ABCA8: variants seen among roughly 807,000 people sequenced by gnomAD.
ABCA8 encodes the protein ABC-type organic anion transporter ABCA8.
Under a neutral mutation model 192.3 loss-of-function variants are expected in ABCA8, and 177 were observed. That is an observed-to-expected ratio of 0.92 (90% CI 0.81 to 1.04). ABCA8 has a LOEUF of 1.04. ABCA8 is among the 50% of genes least tolerant of loss of function. ABCA8 has a pLI of 0.00. For missense variants in ABCA8, 1,915 were observed against 1,904.8 expected, an observed-to-expected ratio of 1.01 and a Z score of -0.10; for synonymous variants, 642 against 690.2, an observed-to-expected ratio of 0.93 and a Z score of 1.09.
At chr17:68,948,151 G>A (rs777963705) in intron 2 of ABCA8, among the ~76,000 whole-genome samples, 2 of 152,122 alleles carry the variant, frequency 1.3e-5, no homozygotes, top group African/African-American at 4.8e-5. Context: ...AACATTGTTG[G>A]GCATTTGGGT....
chr17:68,918,959 C>T (rs985603411), intron 14 of ABCA8, among the ~76,000 whole-genome samples: 1 of 117,410 alleles, frequency 8.5e-6, no homozygotes, highest in Non-Finnish European at 1.7e-5. Context: ...AAAAAAAGAA[C>T]AAACACTGGA....
intron 32 of ABCA8, chr17:68,878,030 G>C (rs2066251950): frequency 1.1e-5 from 2 of 188,486 alleles, no homozygotes; most frequent in Admixed American, 5.9e-5. Context: ...AACATCTTTT[G>C]AGTACCTCCT....
At chr17:68,928,526 G>A (rs564379969) in intron 9 of ABCA8, among the ~76,000 whole-genome samples, 1 of 152,250 alleles carries the variant, frequency 6.6e-6, no homozygotes, top group South Asian at 2.1e-4. Flanking sequence ...CAATCCTTTT[G>A]TTAAACACTA....
chr17:68,918,696 G>A lies in ABCA8; in HGVS notation c.1789-150C>T, dbSNP rs988962622. ...TACCCATAGTCTCAGCACTTTGGGA[G>A]GCTGAGGCGGGCAGATAACGAGGTG... On this transcript the variant is annotated intron_variant, in intron 14 of 39. Transcript: ENST00000586539. 9 of 678,442 alleles carry A rather than the reference G, an allele frequency of 1.3e-5. No homozygotes were observed. The East Asian group carries it at 1.6e-4, about 12-fold the overall frequency. The allele number at this position is 678,442 out of a possible 1,614,324, so 42.0% of individuals were successfully genotyped here. A position where few individuals can be genotyped will look rare whatever the true frequency, so the allele number is the denominator to read the frequency against.
Position 68,868,138 on chromosome 17 carries a change from C to T in ABCA8, c.4813G>A (p.Glu1605Lys), listed in dbSNP as rs1374841532. 1.2e-6 allele frequency: 2 copies of T among 1,613,068 alleles called. No homozygotes were observed. Among genetic ancestry groups the T allele is most frequent in the Non-Finnish European group, 1.7e-6 (2 of 1,179,590 alleles). ...CACTTCACTGAGGGATCAAAATCCT[C>T]CTCAAAATCACCCAGCTCCTGCTCC... Reference protein sequence around the residue: ...SKEQELGDFEEDFDPSVKWKL... With the variant: ...SKEQELGDFEKDFDPSVKWKL... Residue 1605 changes from glutamate to lysine, a missense_variant, in exon 40 of 40, where the codon GAG (glutamate) becomes AAG (lysine). By Grantham distance (56) the Glu-to-Lys change is moderately conservative. Transcript: ENST00000586539.
At chr17:68,918,930 CAAAAAAAAAAA>C (rs34377045) in intron 14 of ABCA8, among the ~76,000 whole-genome samples, 1 of 45,956 alleles carries the variant, frequency 2.2e-5, no homozygotes, top group African/African-American at 7.7e-5. Context: ...AACTCTGTCT[CAAAAAAAAAAA>C]AAAAAAAAAA....
At chr17:68,952,774 G>A (rs2068605519) in intron 1 of ABCA8, among the ~76,000 whole-genome samples, 2 of 152,092 alleles carry the variant, frequency 1.3e-5, no homozygotes, top group South Asian at 4.1e-4. Flanking sequence ...ATAGATAACT[G>A]CATCAGTAAC....
intron 28 of ABCA8, 28 bp downstream of exon 28, chr17:68,884,303 T>C (rs1256545017): frequency 6.5e-7 from 1 of 1,528,794 alleles, no homozygotes; most frequent in Non-Finnish European, 8.7e-7. Flanking sequence ...TAAAAAGTGA[T>C]AATTTTTAAA....
rs544631715 is a variant in ABCA8 at position 68,954,129 on chromosome 17, G to A, written c.-167+1090C>T. ...TATACATGTGCCACGCTGGTGCGCT[G>A]CACCCACTAACTCGTCATCTAGCAT... On this transcript the variant is annotated intron_variant, in intron 1 of 39. Transcript: ENST00000586539. Among the ~76,000 whole-genome samples the A allele has an allele frequency of 3.3e-5, 5 of 150,980 alleles. No homozygotes were observed. The East Asian group carries it at 9.8e-4, about 30-fold the overall frequency.
chr17:68,952,494 C>T (rs2068595551), intron 1 of ABCA8, among the ~76,000 whole-genome samples: 1 of 152,100 alleles, frequency 6.6e-6, no homozygotes, highest in Non-Finnish European at 1.5e-5. Context: ...ATTCAATTTT[C>T]AATTTAAAGA....
Position 68,891,508 on chromosome 17 carries a change from C to A in ABCA8, c.3125G>T (p.Ser1042Ile), listed in dbSNP as rs567388528. The A allele has an allele frequency of 1.2e-6, 2 of 1,612,208 alleles. No homozygotes were observed. The highest frequency in any genetic ancestry group is 2.2e-5 in the South Asian group (2 of 91,036). Residue 1042 changes from serine (S) to isoleucine (I), a missense_variant, in exon 24 of 40, where the codon AGC becomes ATC. Physicochemically the swap from Ser to Ile is moderately radical, Grantham distance 142. Transcript: ENST00000586539. ...TSSCPPYIAM[S>I]SIDDYKNRAR... ...TATTACCTTATAATCATCGATGCTG[C>A]TCATGGCAATGTAAGGTGGGCAACT... is the stretch of plus-strand genomic sequence containing the variant.
intron 18 of ABCA8, 106 bp from the exon 19 acceptor site, chr17:68,906,269 T>A (rs1237316701): frequency 1.1e-5 from 9 of 785,352 alleles, no homozygotes; most frequent in Non-Finnish European, 1.6e-5. Flanking sequence ...ACTTGTGATA[T>A]GTCAAAAACA....
rs1412547837 is a variant in ABCA8, at chr17:68,876,572, G to C, written c.4276-18C>G. 1.2e-6 allele frequency: 2 copies of C among 1,614,032 alleles called. No homozygotes were observed. Among genetic ancestry groups the C allele is most frequent in the Non-Finnish European group, 1.7e-6 (2 of 1,180,010 alleles). On this transcript the variant is annotated intron_variant, in intron 34 of 39. Transcript: ENST00000586539. ...AAGCACAGCTGCAACGGGAGGAACA[G>C]CCCATCTGGTTCCCATCTATGGCAC... is the stretch of plus-strand genomic sequence containing the variant.
rs1233719473 is a variant in ABCA8, at chr17:68,929,599, C to T, written c.901G>A (p.Val301Ile). The change falls in exon 8 of 40, where the codon GTA becomes ATA. Residue 301 changes from valine (V) to isoleucine (I), a missense_variant. Val to Ile is a conservative substitution (Grantham distance 29). Transcript: ENST00000586539. Reference sequence around the variant, plus strand: ...TACAGGAGAAAGAGGCTGAAGACTACCATGAAGCCAGACAAAATGATAAAC... The same window carrying T: ...TACAGGAGAAAGAGGCTGAAGACTATCATGAAGCCAGACAAAATGATAAAC... ...TQFIILSGFM[V>I]VFSLFLLYGL... The T allele has an allele frequency of 6.2e-7, 1 of 1,613,650 alleles. No homozygotes were observed. The highest frequency in any genetic ancestry group is 1.1e-5 in the South Asian group (1 of 91,048).
intron 21 of ABCA8, among the ~76,000 whole-genome samples, chr17:68,899,077 CA>C (rs1350666751): frequency 6.6e-6 from 1 of 151,588 alleles, no homozygotes; most frequent in Non-Finnish European, 1.5e-5. Flanking sequence ...TCACCAAGAA[CA>C]TAATTCAAAA....
intron 37 of ABCA8, among the ~76,000 whole-genome samples, chr17:68,874,752 T>A (rs566047283): frequency 6.6e-6 from 1 of 152,338 alleles, no homozygotes; most frequent in African/African-American, 2.4e-5. Context: ...TACTCTTTAA[T>A]TTTTTTCTGT....
chr17:68,917,400 A>G lies in ABCA8; in HGVS notation c.2099T>C (p.Leu700Ser), dbSNP rs368985398. Residue 700 changes from leucine (L) to serine (S), a missense_variant, in exon 17 of 40, where the codon TTG becomes TCG. Leu to Ser is a moderately radical substitution (Grantham distance 145, BLOSUM62 -2). Transcript: ENST00000586539. ...AATCCCCCATTTCTTCTTTAGAAACAAAGAAGAGCCCGCGCACTTTAGCTT... is the reference window on the plus strand; with the variant it reads ...AATCCCCCATTTCTTCTTTAGAAACGAAGAAGAGCCCGCGCACTTTAGCTT... The part of the protein sequence containing the change: ...QGKLKCAGSS[L>S]FLKKKWGIGY... The G allele has an allele frequency of 3.7e-6, 6 of 1,612,620 alleles. No homozygotes were observed. The African/African-American group carries it at 6.7e-5, about 18-fold the overall frequency.
chr17:68,886,036 A>G (rs1222388811), intron 26 of ABCA8, among the ~76,000 whole-genome samples: 1 of 152,212 alleles, frequency 6.6e-6, no homozygotes, highest in African/African-American at 2.4e-5. Flanking sequence ...CTTAAGCAGA[A>G]GTACTAAAAT....
intron 10 of ABCA8, among the ~76,000 whole-genome samples, chr17:68,926,478 A>G (rs1257328368): frequency 1.3e-5 from 2 of 152,208 alleles, no homozygotes; most frequent in Admixed American, 6.5e-5. Context: ...ATTTTGCCAT[A>G]AAAACAAAAG....
Sources: allele counts gnomAD v4.1 joint callset (sites outside exome capture counted in the v4.1 genomes callset), GRCh38; gene constraint gnomAD v4.1.1; transcripts MANE v1.5; gene names NCBI Gene and HGNC (gene_info 2026-07-23, HGNC 2026-07-21).